The following ROR1 variants were observed in gnomAD, a reference collection of about 807,000 sequenced individuals.
ROR1 encodes ROR family WNT receptor 1.
A neutral mutation model predicts 78.8 loss-of-function variants in ROR1; 19 were observed. That is an observed-to-expected ratio of 0.24 (90% CI 0.17 to 0.35). The LOEUF is 0.35. Ranked by LOEUF, ROR1 falls within the 10% of genes least tolerant of loss-of-function variation. The pLI is 1.00. For missense variants in ROR1, 917 were observed against 1,177.8 expected, an observed-to-expected ratio of 0.78 and a Z score of 3.24; for synonymous variants, 386 against 433.6, an observed-to-expected ratio of 0.89 and a Z score of 1.36.
At chr1:63,829,709 T>C (rs1644974805) in intron 1 of ROR1, among the ~76,000 whole-genome samples, 1 of 152,164 alleles carries the variant, frequency 6.6e-6, no homozygotes, top group African/African-American at 2.4e-5. Flanking sequence ...GCTCGTGATA[T>C]AGTCTGGGGA....
chr1:64,079,470 AT>A (rs71056020), intron 4 of ROR1, among the ~76,000 whole-genome samples: 28 of 146,242 alleles, frequency 1.9e-4, no homozygotes, highest in South Asian at 4.4e-4. Context: ...CTTGATTGGG[AT>A]TTTTTTTTTT....
At chr1:64,157,198 C>T (rs536123771) in intron 7 of ROR1, among the ~76,000 whole-genome samples, 18 of 152,240 alleles carry the variant, frequency 1.2e-4, no homozygotes, top group African/African-American at 2.4e-4. Context: ...AGTGCAGTGG[C>T]GCAATCACAG....
intron 1 of ROR1, among the ~76,000 whole-genome samples, chr1:63,994,519 A>G (rs1049667066): frequency 6.6e-6 from 1 of 152,150 alleles, no homozygotes; most frequent in Non-Finnish European, 1.5e-5. Flanking sequence ...TCTTCACACT[A>G]CAAGGACCTT....
chr1:64,110,216 T>A (rs536629911), intron 4 of ROR1, among the ~76,000 whole-genome samples: 1 of 152,348 alleles, frequency 6.6e-6, no homozygotes, highest in South Asian at 2.1e-4. Flanking sequence ...GGCAGCTCAC[T>A]TTTCTCCTAT....
chr1:63,961,993 A>G (rs867751530), intron 1 of ROR1, among the ~76,000 whole-genome samples: 1 of 152,176 alleles, frequency 6.6e-6, no homozygotes, highest in East Asian at 1.9e-4. Flanking sequence ...TTAAAAATTT[A>G]AAAAATAAAA....
chr1:63,799,410 G>A (rs1043026221), intron 1 of ROR1, among the ~76,000 whole-genome samples: 3 of 152,146 alleles, frequency 2.0e-5, no homozygotes, highest in African/African-American at 7.2e-5. Flanking sequence ...TGTTCCCCAG[G>A]CCACTGGAAC....
chr1:63,988,237 G>C (rs1646267229), intron 1 of ROR1, among the ~76,000 whole-genome samples: 1 of 152,134 alleles, frequency 6.6e-6, no homozygotes, highest in Non-Finnish European at 1.5e-5. Context: ...GAAGCTCCAG[G>C]ATAAAAGGTA....
chr1:64,138,215 C>G (rs10399612), intron 5 of ROR1, among the ~76,000 whole-genome samples: 1 of 152,072 alleles, frequency 6.6e-6, no homozygotes. Flanking sequence ...CTCTGTGTCA[C>G]GTATCCTTTG....
intron 1 of ROR1, among the ~76,000 whole-genome samples, chr1:63,909,525 T>C (rs1316525650): frequency 1.3e-5 from 2 of 152,150 alleles, no homozygotes; most frequent in African/African-American, 2.4e-5. Flanking sequence ...ATACAGGTCA[T>C]CATAGCTATT....
At chr1:64,079,424 T>C (rs1647080574) in intron 4 of ROR1, among the ~76,000 whole-genome samples, 1 of 152,150 alleles carries the variant, frequency 6.6e-6, no homozygotes, top group South Asian at 2.1e-4. Context: ...AATTTTGGCA[T>C]TCTTGCAGGT....
intron 4 of ROR1, chr1:64,112,338 T>G (rs1380256427): frequency 6.6e-6 from 1 of 151,870 alleles, no homozygotes; most frequent in Non-Finnish European, 1.5e-5. Flanking sequence ...CATGAAGCAG[T>G]AAAGGTATTA....
intron 8 of ROR1, among the ~76,000 whole-genome samples, chr1:64,164,626 G>T (rs1481151502): frequency 6.6e-6 from 1 of 152,088 alleles, no homozygotes; most frequent in Non-Finnish European, 1.5e-5. Flanking sequence ...AAGTTAAGGT[G>T]TACAAGGGCA....
intron 1 of ROR1, among the ~76,000 whole-genome samples, chr1:63,820,020 A>G (rs1644914642): frequency 6.6e-6 from 1 of 152,234 alleles, no homozygotes; most frequent in African/African-American, 2.4e-5. Flanking sequence ...ATCAAGAAGC[A>G]TGGTTGAAAC....
chr1:63,833,646 T>G (rs1258072132), intron 1 of ROR1, among the ~76,000 whole-genome samples: 2 of 152,116 alleles, frequency 1.3e-5, no homozygotes, highest in Non-Finnish European at 2.9e-5. Flanking sequence ...TTGGAGGTTC[T>G]ATCTATAAAG....
At chr1:64,155,895 G>C (rs1365485534) in intron 7 of ROR1, among the ~76,000 whole-genome samples, 1 of 152,098 alleles carries the variant, frequency 6.6e-6, no homozygotes, top group Non-Finnish European at 1.5e-5. Context: ...TCCAACAACT[G>C]TATGGCAATT....
At chr1:63,839,465 A>G (rs1326993178) in intron 1 of ROR1, among the ~76,000 whole-genome samples, 2 of 152,164 alleles carry the variant, frequency 1.3e-5, no homozygotes, top group Non-Finnish European at 2.9e-5. Flanking sequence ...TTTAAAAAGT[A>G]TAAGAAGGCT....
chr1:63,806,909 A>T (rs773606236), intron 1 of ROR1, among the ~76,000 whole-genome samples: 37 of 152,240 alleles, frequency 2.4e-4, no homozygotes, highest in Non-Finnish European at 4.4e-4. Flanking sequence ...AACTAATAAA[A>T]TTACAATAAC....
At chr1:63,988,885 T>C (rs1311282546) in intron 1 of ROR1, among the ~76,000 whole-genome samples, 1 of 152,140 alleles carries the variant, frequency 6.6e-6, no homozygotes, top group South Asian at 2.1e-4. Context: ...CATTCATCTG[T>C]CAATATACAT....
intron 1 of ROR1, among the ~76,000 whole-genome samples, chr1:64,006,374 A>G (rs2100539209): frequency 6.6e-6 from 1 of 152,264 alleles, no homozygotes; most frequent in Non-Finnish European, 1.5e-5. Context: ...GCAGCAGTCC[A>G]TACTACTGAA....
Sources: gnomAD v4.1 joint callset for allele counts (sites outside exome capture counted in the v4.1 genomes callset) on GRCh38, gnomAD v4.1.1 for gene constraint, MANE v1.5 for transcripts, NCBI Gene and HGNC (gene_info 2026-07-23, HGNC 2026-07-21) for gene names.